Variants in ESRRA observed in about 807,000 individuals in gnomAD.
ESRRA encodes estrogen related receptor alpha.
Under a neutral mutation model 35.6 loss-of-function variants are expected in ESRRA, and 7 were observed. The observed-to-expected ratio is 0.20, with a 90% confidence interval of 0.11 to 0.37. The LOEUF (loss-of-function observed/expected upper bound fraction) is 0.37, where lower values mean the gene tolerates loss of function less well. Ranked by LOEUF, ESRRA falls within the 10% of genes least tolerant of loss-of-function variation. The pLI is 1.00. For synonymous variants in ESRRA, 223 were observed against 246.9 expected (o/e 0.90, Z 0.91); for missense variants, 378 against 561.7 (o/e 0.67, Z 3.31).
intron 1 of ESRRA, chr11:64,306,848 T>G: frequency 4.0e-6 from 1 of 250,992 alleles, no homozygotes; most frequent in Non-Finnish European, 7.6e-6. Flanking sequence ...GGATTCCAGG[T>G]GGGGTTGAAG....
At chr11:64,309,450 AG>A (rs1419931935) in intron 2 of ESRRA, among the ~76,000 whole-genome samples, 1 of 150,926 alleles carries the variant, frequency 6.6e-6, no homozygotes, top group Non-Finnish European at 1.5e-5. Flanking sequence ...AAAAAAAAAA[AG>A]GACTTACAGG....
chr11:64,314,672 G>A lies in ESRRA; in HGVS notation c.572-69G>A, dbSNP rs745468252. On this transcript the variant is annotated intron_variant, in intron 4 of 6. Coordinates refer to ENST00000000442, the MANE Select transcript of ESRRA (RefSeq NM_004451.5). ...GAAGGCCACAGGGGGAGCCACTGTG[G>A]GAAGATGCTTGACCCCTGAGGCCTG... The A allele has an allele frequency of 1.3e-5, 20 of 1,486,346 alleles. 1 individual carries two copies. Among genetic ancestry groups the A allele is most frequent in the Non-Finnish European group, 1.7e-5 (19 of 1,094,314 alleles). The allele number at this position is 1,486,346 out of a possible 1,614,324, so 92.1% of individuals were successfully genotyped here. A position where few individuals can be genotyped will look rare whatever the true frequency, so the allele number is the denominator to read the frequency against.
rs1436468615 is a variant in ESRRA at position 64,313,761 on chromosome 11, C to T, written c.326-190C>T. Reference sequence around the variant, plus strand: ...AGCCCCGCTGCCTGGTCCAGCTCCTCCCTCATCCAGGCAGGGCTCCCCCGC... The same window carrying T: ...AGCCCCGCTGCCTGGTCCAGCTCCTTCCTCATCCAGGCAGGGCTCCCCCGC... On this transcript the variant is annotated intron_variant, in intron 2 of 6. Coordinates refer to ENST00000000442, the MANE Select transcript of ESRRA (RefSeq NM_004451.5). The surrounding 1 kb of genome is among the most constrained non-coding windows in gnomAD (Gnocchi z 4.0). 43 of 548,944 alleles carry T rather than the reference C, an allele frequency of 7.8e-5. No individual in the cohort carries two copies. The highest frequency in any genetic ancestry group is 1.1e-4 in the Non-Finnish European group (35 of 306,212). 34.0% of individuals were successfully genotyped at this position (548,944 alleles called of 1,614,324 possible).
intron 6 of ESRRA, 39 bp downstream of exon 6, chr11:64,315,309 G>GT: frequency 6.6e-7 from 1 of 1,518,698 alleles, no homozygotes; most frequent in Non-Finnish European, 8.8e-7. Flanking sequence ...AGGTGTCTCC[G>GT]TAAGGTCTTC....
Position 64,314,763 on chromosome 11 carries a change from G to A in ESRRA, c.594G>A (p.Val198=), listed in dbSNP as rs372946185. Residue 198 remains valine (V), a synonymous_variant, in exon 5 of 7, where the codon GTG becomes GTA. Coordinates refer to ENST00000000442, the MANE Select transcript of ESRRA (RefSeq NM_004451.5). ...CAGCAGCCCCAGTGAATGCACTGGTGTCTCATCTGCTGGTGGTTGAGCCTG... is the reference window on the plus strand; with the variant it reads ...CAGCAGCCCCAGTGAATGCACTGGTATCTCATCTGCTGGTGGTTGAGCCTG... ...RKTAAPVNAL[V]SHLLVVEPEK... is the part of the protein sequence containing the mutation. 8.7e-6 allele frequency: 14 copies of A among 1,611,996 alleles called. No individual in the cohort carries two copies. The African/African-American group carries it at 1.7e-4, about 20-fold the overall frequency.
At chr11:64,315,639 C>A (rs2135262369) in intron 6 of ESRRA, 68 bp from the exon 7 acceptor site, 1 of 1,582,516 alleles carries the variant, frequency 6.3e-7, no homozygotes. Flanking sequence ...TCCAGCAGTG[C>A]TCAAGATACG....
chr11:64,314,288 G>C lies in ESRRA; in HGVS notation c.492G>C (p.Arg164=). The C allele has an allele frequency of 6.2e-7, 1 of 1,611,748 alleles. No individual in the cohort carries two copies. The highest frequency in any genetic ancestry group is 8.5e-7 in the Non-Finnish European group (1 of 1,179,540). Reference sequence around the variant, plus strand: ...GTGGGCGGCAGAAGTACAAGCGGCGGCCGGAGGTGGACCCACTGCCCTTCC... The same window carrying C: ...GTGGGCGGCAGAAGTACAAGCGGCGCCCGGAGGTGGACCCACTGCCCTTCC... ...VRGGRQKYKR[R]PEVDPLPFPG... Residue 164 remains arginine, a synonymous_variant, in exon 4 of 7, where the codon CGG becomes CGC. Coordinates refer to ENST00000000442, the MANE Select transcript of ESRRA (RefSeq NM_004451.5).
chr11:64,307,590 C>A, intron 2 of ESRRA, 86 bp downstream of exon 2: 1 of 1,050,206 alleles, frequency 9.5e-7, no homozygotes, highest in African/African-American at 1.6e-5. Context: ...ATGGCTGTGG[C>A]ACCGCTTGAG....
Position 64,313,061 on chromosome 11 carries a change from C to T in ESRRA, c.326-890C>T, listed in dbSNP as rs372874354. Among the ~76,000 whole-genome samples, 7 of 152,128 alleles carry T rather than the reference C, an allele frequency of 4.6e-5. No homozygotes were observed. The highest frequency in any genetic ancestry group is 3.9e-4 in the East Asian group (2 of 5,166). On this transcript the variant is annotated intron_variant, in intron 2 of 6. Transcript: ENST00000000442. This position sits in a 1 kb window ranked among gnomAD's most constrained non-coding sequence, Gnocchi z 4.0. ...AATAGGACCCTCTTGGCTGCTGAGT[C>T]GAGAACAGACTGGAGCAAGCAGGGA...
chr11:64,316,638 T>C lies in ESRRA; in HGVS notation c.*672T>C, dbSNP rs1459540952. 1 of 531,318 alleles carries C rather than the reference T, an allele frequency of 1.9e-6. No individual in the cohort carries two copies. Among genetic ancestry groups the C allele is most frequent in the East Asian group, 3.4e-5 (1 of 29,408 alleles). The allele number at this position is 531,318 out of a possible 1,614,324, so 32.9% of individuals were successfully genotyped here. A position where few individuals can be genotyped will look rare whatever the true frequency, so the allele number is the denominator to read the frequency against. ...TGGGGCAAGCCAGGGCCCAGAGCCC[T>C]TGGCTGTACAGAGACTCTATTTTAA... is the stretch of plus-strand genomic sequence containing the variant. On this transcript the variant is annotated 3_prime_UTR_variant, in exon 7 of 7. Transcript: ENST00000000442.
At position 64,313,868 on chromosome 11, in the gene ESRRA, G is replaced by A. The variant is rs569010821; in HGVS notation, c.326-83G>A. On this transcript the variant is annotated intron_variant, in intron 2 of 6. Coordinates refer to ENST00000000442, the MANE Select transcript of ESRRA (RefSeq NM_004451.5). This position sits in a 1 kb window ranked among gnomAD's most constrained non-coding sequence, Gnocchi z 4.0. ...CATACCCCCAGACCTGTGCTTGCCCGGGGAGAGTCAGGGCTCTCCTGTCAG... is the reference window on the plus strand; with the variant it reads ...CATACCCCCAGACCTGTGCTTGCCCAGGGAGAGTCAGGGCTCTCCTGTCAG... 43 of 920,460 alleles carry A rather than the reference G, an allele frequency of 4.7e-5. No individual in the cohort carries two copies. In the Admixed American group the frequency reaches 9.1e-4, roughly 20 times the overall value. 57.0% of individuals were successfully genotyped at this position (920,460 alleles called of 1,614,324 possible).
Position 64,314,725 on chromosome 11 carries a change from C to G in ESRRA, c.572-16C>G. 6.2e-7 allele frequency: 1 copy of G among 1,606,754 alleles called. No homozygotes were observed. The highest frequency in any genetic ancestry group is 8.5e-7 in the Non-Finnish European group (1 of 1,176,864). On this transcript the variant is annotated splice_polypyrimidine_tract_variant and intron_variant, in intron 4 of 6. Coordinates refer to ENST00000000442, the MANE Select transcript of ESRRA (RefSeq NM_004451.5). ...AGATTCGAGTGCTCCTGACTCTTGT[C>G]CTCTAATTGTCACAGCAGCCCCAGT...
intron 3 of ESRRA, 46 bp downstream of exon 3, chr11:64,314,113 C>A (rs1162038818): frequency 1.3e-6 from 2 of 1,553,622 alleles, no homozygotes; most frequent in South Asian, 2.4e-5. Flanking sequence ...GAGTCGGGGA[C>A]CCGGGCCAGG....
chr11:64,310,973 A>G (rs2035129590), intron 2 of ESRRA, among the ~76,000 whole-genome samples: 1 of 152,106 alleles, frequency 6.6e-6, no homozygotes, highest in African/African-American at 2.4e-5. Flanking sequence ...GGGGCCCCTC[A>G]CTGTATGTTG....
intron 4 of ESRRA, 55 bp downstream of exon 4, chr11:64,314,422 C>T: frequency 6.8e-7 from 1 of 1,479,864 alleles, no homozygotes; most frequent in Non-Finnish European, 9.0e-7. Context: ...TGTGTGGCAT[C>T]ATAGTTACCT....
intron 2 of ESRRA, among the ~76,000 whole-genome samples, chr11:64,308,403 C>G (rs1287139339): frequency 1.3e-5 from 2 of 150,082 alleles, no homozygotes; most frequent in African/African-American, 4.9e-5. Context: ...GTAATCTCAG[C>G]TACTTGCTAC....
intron 2 of ESRRA, among the ~76,000 whole-genome samples, chr11:64,312,290 C>T (rs2035156342): frequency 1.3e-5 from 2 of 152,064 alleles, no homozygotes; most frequent in African/African-American, 2.4e-5. Flanking sequence ...CAGGTGCCTG[C>T]CACCACACCC....
rs1372976980 is a variant in ESRRA at position 64,305,960 on chromosome 11, T to C, written c.-13+224T>C. Reference sequence around the variant, plus strand: ...GCCGGCCTGGGGCAGGATCTGGCTCTGGCTGCGGGTCCTGACTCGGGTCAG... The same window carrying C: ...GCCGGCCTGGGGCAGGATCTGGCTCCGGCTGCGGGTCCTGACTCGGGTCAG... On this transcript the variant is annotated intron_variant, in intron 1 of 6. Transcript: ENST00000000442. The surrounding 1 kb of genome is among the most constrained non-coding windows in gnomAD (Gnocchi z 5.8). 3.9e-5 allele frequency among the ~76,000 whole-genome samples: 6 copies of C among 151,938 alleles called. No homozygotes were observed. Among genetic ancestry groups the C allele is most frequent in the African/African-American group, 1.4e-4 (6 of 41,380 alleles).
rs202116565 is a variant in ESRRA, at chr11:64,310,459, T to C, written c.325+2955T>C. Among the ~76,000 whole-genome samples, 319 of 151,830 alleles carry C rather than the reference T, an allele frequency of 2.1e-3. 5 individuals carry two copies. The highest frequency in any genetic ancestry group is 0.016 in the East Asian group (83 of 5,154). On this transcript the variant is annotated intron_variant, in intron 2 of 6. Coordinates refer to ENST00000000442, the MANE Select transcript of ESRRA (RefSeq NM_004451.5). ...GCGTGTTAGCCAAGATGGTCTTGAT[T>C]TCCTGACCTCGAGATCCACCTGCCT...
Sources: allele counts gnomAD v4.1 joint callset (sites outside exome capture counted in the v4.1 genomes callset), GRCh38; gene constraint gnomAD v4.1.1; non-coding constraint Gnocchi (gnomAD v3.1); transcripts MANE v1.5; gene names NCBI Gene and HGNC (gene_info 2026-07-23, HGNC 2026-07-21).